The following PTPRN2 variants were observed in gnomAD, a reference collection of about 807,000 sequenced individuals.
The protein encoded by PTPRN2 is receptor-type tyrosine-protein phosphatase N2.
Under a neutral mutation model 118.8 loss-of-function variants are expected in PTPRN2, and 74 were observed. That is an observed-to-expected ratio of 0.62 (90% CI 0.52 to 0.76). The LOEUF (loss-of-function observed/expected upper bound fraction) is 0.76, where lower values mean the gene tolerates loss of function less well. Among genes scored for constraint, PTPRN2 ranks in the 30% least tolerant of loss-of-function variants. The probability of loss-of-function intolerance (pLI) is 0.00; values close to 1 mark genes in which losing one functional copy is unlikely to be tolerated. For missense variants in PTPRN2, 1,481 were observed against 1,394.4 expected (o/e 1.06, Z -0.99); for synonymous variants, 641 against 608.0 (o/e 1.05, Z -0.80).
intron 3 of PTPRN2, among the ~76,000 whole-genome samples, chr7:158,312,237 TGCACACACACCTGCACACGCACTCAC>T (rs1801851353): frequency 2.0e-5 from 2 of 100,168 alleles, no homozygotes; most frequent in East Asian, 2.8e-4. Flanking sequence ...CCCACACACA[TGCACACACACCTGCACACGCACTCAC>T]GTGCTCACAT....
intron 2 of PTPRN2, among the ~76,000 whole-genome samples, chr7:158,333,779 C>T (rs1470589355): frequency 1.3e-5 from 2 of 148,570 alleles, no homozygotes; most frequent in Non-Finnish European, 3.0e-5. Context: ...ACATCACTCA[C>T]ACACACACTC....
At chr7:158,241,178 T>C (rs137986246) in intron 3 of PTPRN2, among the ~76,000 whole-genome samples, 104 of 152,352 alleles carry the variant, frequency 6.8e-4, no homozygotes, top group African/African-American at 2.4e-3. Context: ...AGTTCGGCTA[T>C]AGTTTCCTTT....
At chr7:158,382,254 G>A (rs993373447) in intron 2 of PTPRN2, among the ~76,000 whole-genome samples, 5 of 152,094 alleles carry the variant, frequency 3.3e-5, no homozygotes, top group Non-Finnish European at 7.3e-5. Context: ...ATGTGGAGGA[G>A]GCCAGGACCA....
At chr7:158,561,996 C>G (rs953192661) in intron 1 of PTPRN2, among the ~76,000 whole-genome samples, 2 of 152,182 alleles carry the variant, frequency 1.3e-5, no homozygotes, top group African/African-American at 4.8e-5. Context: ...GCCTCTCTCT[C>G]GTGCGAAGAG....
chr7:158,064,072 C>T (rs1047809318), intron 11 of PTPRN2, among the ~76,000 whole-genome samples: 1 of 152,226 alleles, frequency 6.6e-6, no homozygotes, highest in African/African-American at 2.4e-5. Flanking sequence ...GGGACCATCT[C>T]AGCAGAATGT....
At chr7:158,283,048 C>T (rs544282544) in intron 3 of PTPRN2, among the ~76,000 whole-genome samples, 9 of 152,378 alleles carry the variant, frequency 5.9e-5, no homozygotes, top group African/African-American at 2.2e-4. Context: ...CGTGCTCCCA[C>T]ATGCAGGGGC....
chr7:157,605,783 T>C (rs1003010510), intron 15 of PTPRN2, among the ~76,000 whole-genome samples: 2 of 152,154 alleles, frequency 1.3e-5, no homozygotes, highest in Non-Finnish European at 1.5e-5. Context: ...CCTGGGGCAT[T>C]TATGGGCCTC....
At chr7:157,756,952 G>A (rs559097606) in intron 12 of PTPRN2, among the ~76,000 whole-genome samples, 10 of 152,296 alleles carry the variant, frequency 6.6e-5, no homozygotes, top group Non-Finnish European at 1.3e-4. Context: ...AAACATGGAC[G>A]GAGCCTGGAA....
intron 9 of PTPRN2, among the ~76,000 whole-genome samples, chr7:158,112,306 C>T (rs922590483): frequency 3.9e-5 from 6 of 152,194 alleles, no homozygotes; most frequent in Non-Finnish European, 8.8e-5. Context: ...GAGGCCTCTC[C>T]AGTGGGGCCC....
At chr7:158,178,298 C>A (rs951034951) in intron 5 of PTPRN2, among the ~76,000 whole-genome samples, 1 of 152,074 alleles carries the variant, frequency 6.6e-6, no homozygotes, top group African/African-American at 2.4e-5. Context: ...CACCCATCAT[C>A]CAAGTAATGC....
rs781686549 is a variant in PTPRN2, at chr7:158,271,028, GC to G, written c.277+45790del. 2.0e-3 allele frequency among the ~76,000 whole-genome samples: 144 copies of G among 71,404 alleles called. 5 individuals are homozygous for G. In the East Asian group the frequency reaches 0.037, roughly 19 times the overall value. The allele number at this position is 71,404 out of a possible 152,430, so 46.8% of individuals were successfully genotyped here. ...CCTGGACCACCCCTCCACCTGGACG[GC>G]CCCCTCCACCTGGGCCTCCCCCCAA... On this transcript the variant is annotated intron_variant, in intron 3 of 22. Coordinates refer to ENST00000389418, the MANE Select transcript of PTPRN2 (RefSeq NM_002847.5).
chr7:157,634,633 C>A (rs1289194978), intron 14 of PTPRN2, among the ~76,000 whole-genome samples: 3 of 152,148 alleles, frequency 2.0e-5, no homozygotes, highest in Non-Finnish European at 4.4e-5. Flanking sequence ...AATTATCCCC[C>A]ACAGGTCAGA....
At chr7:157,731,007 G>C (rs1223899754) in intron 12 of PTPRN2, among the ~76,000 whole-genome samples, 1 of 152,116 alleles carries the variant, frequency 6.6e-6, no homozygotes, top group Non-Finnish European at 1.5e-5. Context: ...AGAAAATGGA[G>C]GTGCCACACG....
At chr7:158,569,696 C>CCTGA (rs34475644) in intron 1 of PTPRN2, among the ~76,000 whole-genome samples, 2,981 of 98,140 alleles carry the variant, frequency 0.03, 13 homozygotes, top group East Asian at 0.062. Context: ...CGCGAGGCCG[C>CCTGA]CTGACAGGAA....
At chr7:158,510,757 C>G (rs79014256) in intron 1 of PTPRN2, among the ~76,000 whole-genome samples, 1 of 152,046 alleles carries the variant, frequency 6.6e-6, no homozygotes, top group Non-Finnish European at 1.5e-5. Flanking sequence ...ATGAGTAGGT[C>G]GGATGTGAAT....
At chr7:158,259,406 G>T (rs1013253000) in intron 3 of PTPRN2, among the ~76,000 whole-genome samples, 1 of 152,176 alleles carries the variant, frequency 6.6e-6, no homozygotes, top group Non-Finnish European at 1.5e-5. Flanking sequence ...ACCCGCAGCT[G>T]CTGCTGTGCT....
chr7:157,545,918 G>A (rs1320389411), intron 22 of PTPRN2, among the ~76,000 whole-genome samples: 1 of 152,206 alleles, frequency 6.6e-6, no homozygotes, highest in East Asian at 1.9e-4. Flanking sequence ...AGATTGGACA[G>A]CAGCATTTTG....
chr7:157,776,565 TCC>T (rs1491092486), intron 12 of PTPRN2, among the ~76,000 whole-genome samples: 1 of 98,138 alleles, frequency 1.0e-5, no homozygotes, highest in Non-Finnish European at 2.0e-5. Flanking sequence ...TCTCTCCTTC[TCC>T]CTCTCCTCCT....
At chr7:158,159,497 T>C (rs1018038427) in intron 6 of PTPRN2, among the ~76,000 whole-genome samples, 1 of 152,234 alleles carries the variant, frequency 6.6e-6, no homozygotes, top group Non-Finnish European at 1.5e-5. Context: ...GTCGTCATGA[T>C]GTGAATTAGG....
Sources: allele counts gnomAD v4.1 joint callset (sites outside exome capture counted in the v4.1 genomes callset), GRCh38; gene constraint gnomAD v4.1.1; transcripts MANE v1.5; gene names NCBI Gene and HGNC (gene_info 2026-07-23, HGNC 2026-07-21).